The following CDH12 variants were observed in gnomAD, a reference collection of about 807,000 sequenced individuals.
CDH12 encodes the protein cadherin 12, also known as cadherin-12.
Under a neutral mutation model 74.1 loss-of-function variants are expected in CDH12, and 41 were observed. The observed-to-expected ratio is 0.55, with a 90% confidence interval of 0.43 to 0.72. The LOEUF (loss-of-function observed/expected upper bound fraction) is 0.72, where lower values mean the gene tolerates loss of function less well. Ranked by LOEUF, CDH12 falls within the 30% of genes least tolerant of loss-of-function variation. The pLI, the probability that CDH12 is intolerant of heterozygous loss-of-function variation, is 0.00. For missense variants in CDH12, 945 were observed against 977.2 expected (o/e 0.97, Z 0.44); for synonymous variants, 399 against 355.0 (o/e 1.12, Z -1.39).
chr5:22,292,302 CT>C (rs569800279), intron 3 of CDH12, among the ~76,000 whole-genome samples: 4 of 145,614 alleles, frequency 2.7e-5, no homozygotes, highest in South Asian at 2.2e-4. Flanking sequence ...CTGGGCAACA[CT>C]TTTTTTTGGT....
chr5:22,720,780 T>C (rs1561601807), intron 1 of CDH12, among the ~76,000 whole-genome samples: 1 of 152,114 alleles, frequency 6.6e-6, no homozygotes, highest in Non-Finnish European at 1.5e-5. Context: ...GAGGAACTCA[T>C]TGGGAAGTGG....
At chr5:22,255,370 T>C (rs1270179436) in intron 3 of CDH12, among the ~76,000 whole-genome samples, 1 of 151,766 alleles carries the variant, frequency 6.6e-6, no homozygotes, top group African/African-American at 2.4e-5. Flanking sequence ...CAAATACCTA[T>C]AATTATTAAT....
At chr5:22,109,814 T>G (rs917894378) in intron 4 of CDH12, among the ~76,000 whole-genome samples, 1 of 152,044 alleles carries the variant, frequency 6.6e-6, no homozygotes, top group African/African-American at 2.4e-5. Context: ...TAGTGAAAAA[T>G]TCAATTGACA....
intron 1 of CDH12, among the ~76,000 whole-genome samples, chr5:22,832,605 G>T (rs991719655): frequency 1.3e-5 from 2 of 152,046 alleles, no homozygotes; most frequent in Non-Finnish European, 2.9e-5. Context: ...GATATATAAG[G>T]ATAAAGAAGT....
At chr5:22,828,440 T>C (rs577814632) in intron 1 of CDH12, among the ~76,000 whole-genome samples, 1 of 152,306 alleles carries the variant, frequency 6.6e-6, no homozygotes, top group Non-Finnish European at 1.5e-5. Flanking sequence ...CCATATTCTA[T>C]TTAAATGCTA....
At chr5:22,111,009 C>T (rs1039473348) in intron 4 of CDH12, among the ~76,000 whole-genome samples, 1 of 152,182 alleles carries the variant, frequency 6.6e-6, no homozygotes, top group Non-Finnish European at 1.5e-5. Context: ...TTCACAAAGG[C>T]AGTTTCAGTG....
At position 22,625,149 on chromosome 5, in the gene CDH12, G is replaced by A. The variant is rs1028089899; in HGVS notation, c.-522-119785C>T. Among the ~76,000 whole-genome samples, 17 of 152,134 alleles carry A rather than the reference G, an allele frequency of 1.1e-4. No individual in the cohort carries two copies. The East Asian group carries it at 1.7e-3, about 16-fold the overall frequency. ...CACAGGAAGGGGAACATCACACACC[G>A]GGGCCTGTCTTGGGTTGTGGGGAGC... is the stretch of plus-strand genomic sequence containing the variant. On this transcript the variant is annotated intron_variant, in intron 1 of 14. Transcript: ENST00000382254.
intron 8 of CDH12, among the ~76,000 whole-genome samples, chr5:21,829,165 C>T (rs766133415): frequency 1.3e-5 from 2 of 152,054 alleles, no homozygotes; most frequent in Non-Finnish European, 2.9e-5. Flanking sequence ...TGTGGTAGTG[C>T]GTACCTGTAA....
At chr5:22,205,605 TA>T (rs1190816702) in intron 4 of CDH12, among the ~76,000 whole-genome samples, 1 of 152,116 alleles carries the variant, frequency 6.6e-6, no homozygotes, top group Non-Finnish European at 1.5e-5. Context: ...GAGAAAAGTT[TA>T]AATAAAGAAG....
intron 1 of CDH12, among the ~76,000 whole-genome samples, chr5:22,579,729 A>C (rs1739983448): frequency 3.3e-5 from 5 of 152,246 alleles, no homozygotes; most frequent in Admixed American, 3.3e-4. Flanking sequence ...ATTATTTACA[A>C]AAATCATTTA....
chr5:21,856,124 C>G (rs948931512), intron 6 of CDH12, among the ~76,000 whole-genome samples: 1 of 151,648 alleles, frequency 6.6e-6, no homozygotes, highest in African/African-American at 2.4e-5. Flanking sequence ...TATCCATCAT[C>G]ATCACCATCA....
chr5:22,254,260 G>A (rs1180042587), intron 3 of CDH12, among the ~76,000 whole-genome samples: 1 of 151,778 alleles, frequency 6.6e-6, no homozygotes, highest in Non-Finnish European at 1.5e-5. Flanking sequence ...AAATTTCTTT[G>A]AATTCTTCTT....
Position 21,820,622 on chromosome 5 carries a change from T to C in CDH12, c.815-3490A>G, listed in dbSNP as rs1048946742. Among the ~76,000 whole-genome samples, 3 of 152,138 alleles carry C rather than the reference T, an allele frequency of 2.0e-5. 1 individual carries two copies. The highest frequency in any genetic ancestry group is 1.5e-5 in the Non-Finnish European group (1 of 67,910). On this transcript the variant is annotated intron_variant, in intron 8 of 14. Coordinates refer to ENST00000382254, the MANE Select transcript of CDH12 (RefSeq NM_004061.5). ...TAAAATATTACAGCTGGTAATAAAG[T>C]CTGCAGAATATGGAACAAGTCAGAG...
In CDH12 at chr5:22,698,729, A is replaced by AG. The variant is rs1561586085; in HGVS notation, c.-523+154328_-523+154329insC. 8.6e-3 allele frequency among the ~76,000 whole-genome samples: 66 copies of AG among 7,686 alleles called. 2 individuals carry two copies. The highest frequency in any genetic ancestry group is 0.011 in the South Asian group (2 of 186). 5.0% of individuals were successfully genotyped at this position (7,686 alleles called of 152,430 possible). A position where few individuals can be genotyped will look rare whatever the true frequency, so the allele number is the denominator to read the frequency against. On this transcript the variant is annotated intron_variant, in intron 1 of 14. Coordinates refer to ENST00000382254, the MANE Select transcript of CDH12 (RefSeq NM_004061.5). ...TATATATATATATATATATATATAT[A>AG]TATATAGTGTGTGTGTGTGTGTGTG...
intron 13 of CDH12, among the ~76,000 whole-genome samples, chr5:21,757,732 A>T (rs1206514220): frequency 4.6e-5 from 7 of 152,104 alleles, no homozygotes; most frequent in African/African-American, 1.7e-4. Flanking sequence ...CTCTTTCAGC[A>T]AAGATACGTT....
At chr5:21,781,206 A>G (rs1016190768) in intron 11 of CDH12, among the ~76,000 whole-genome samples, 1 of 152,132 alleles carries the variant, frequency 6.6e-6, no homozygotes, top group African/African-American at 2.4e-5. Context: ...AGGAGAAAGG[A>G]GCTAAAATTG....
chr5:22,308,635 C>G (rs563761022), intron 3 of CDH12, among the ~76,000 whole-genome samples: 3 of 152,184 alleles, frequency 2.0e-5, no homozygotes, highest in African/African-American at 7.2e-5. Context: ...TTGAACTCCT[C>G]CTTGGATTCT....
At chr5:22,367,325 C>G (rs1054472476) in intron 3 of CDH12, among the ~76,000 whole-genome samples, 1 of 152,112 alleles carries the variant, frequency 6.6e-6, no homozygotes, top group African/African-American at 2.4e-5. Context: ...AAATGGAAAC[C>G]AGCAACAAAG....
At chr5:22,585,322 TC>T in intron 1 of CDH12, among the ~76,000 whole-genome samples, 1 of 152,196 alleles carries the variant, frequency 6.6e-6, no homozygotes, top group East Asian at 1.9e-4. Context: ...TAAAAGATTT[TC>T]TTTTTGTCTT....
Sources: allele counts gnomAD v4.1 joint callset (sites outside exome capture counted in the v4.1 genomes callset), GRCh38; gene constraint gnomAD v4.1.1; transcripts MANE v1.5; gene names NCBI Gene and HGNC (gene_info 2026-07-23, HGNC 2026-07-21).